NT5DC3: variants seen among roughly 807,000 people sequenced by gnomAD.
NT5DC3 encodes the protein 5'-nucleotidase domain-containing protein 3.
Under a neutral mutation model 67.8 loss-of-function variants are expected in NT5DC3, and 42 were observed. That is an observed-to-expected ratio of 0.62 (90% CI 0.48 to 0.80). NT5DC3 has a LOEUF of 0.80. Among genes scored for constraint, NT5DC3 ranks in the 30% least tolerant of loss-of-function variants. The pLI is 0.00. For missense variants in NT5DC3, 570 were observed against 696.4 expected (o/e 0.82, Z 2.04); for synonymous variants, 237 against 255.6 (o/e 0.93, Z 0.69).
At chr12:103,769,664 G>A (rs915609220), downstream of NT5DC3, among the ~76,000 whole-genome samples, 1 of 152,184 alleles carries the variant, frequency 6.6e-6, no homozygotes, top group Non-Finnish European at 1.5e-5. Flanking sequence ...TACAGCTGTT[G>A]GCCACCCCAG....
In NT5DC3 at chr12:103,773,211, AG is replaced by A. The variant is rs1285805932; in HGVS notation, c.*4617del. On this transcript the variant is annotated 3_prime_UTR_variant, in exon 14 of 14. Transcript: ENST00000392876. ...GCAGGGGCTAGCAAGCCACAGCCTGAGGACCAAATACAGCCCACAGCTTGTC... is the reference window on the plus strand; with the variant it reads ...GCAGGGGCTAGCAAGCCACAGCCTGAGACCAAATACAGCCCACAGCTTGTC... The A allele has an allele frequency of 6.6e-6, 1 of 152,256 alleles. No individual in the cohort carries two copies. The allele number at this position is 152,256 out of a possible 1,614,324, so 9.4% of individuals were successfully genotyped here.
At chr12:103,748,631 C>T in the NT5DC3 span, among the ~76,000 whole-genome samples, 26 of 79,458 alleles carry the variant, frequency 3.3e-4, no homozygotes, top group Non-Finnish European at 4.6e-4. Context: ...CACACACACA[C>T]ACACACACAC....
chr12:103,748,946 C>G, the NT5DC3 span: 1 of 1,607,134 alleles, frequency 6.2e-7, no homozygotes. Context: ...TGAGCCCTCT[C>G]TCCTCTGCTC....
intron 6 of NT5DC3, among the ~76,000 whole-genome samples, chr12:103,795,353 T>C (rs901070000): frequency 6.6e-6 from 1 of 152,194 alleles, no homozygotes; most frequent in Non-Finnish European, 1.5e-5. Flanking sequence ...TACTAAGCTC[T>C]ACACAAGTAT....
At chr12:103,799,805 A>AAAAAATAAAAT (rs1555261683) in intron 4 of NT5DC3, among the ~76,000 whole-genome samples, 1 of 35,658 alleles carries the variant, frequency 2.8e-5, no homozygotes, top group East Asian at 5.8e-4. Context: ...TCCACATACC[A>AAAAAATAAAAT]AAAAAAAAAA....
At chr12:103,759,696 G>GTGA in the NT5DC3 span, among the ~76,000 whole-genome samples, 1 of 152,182 alleles carries the variant, frequency 6.6e-6, no homozygotes, top group African/African-American at 2.4e-5. Context: ...CAGGATGATG[G>GTGA]TGATGGTGGT....
At chr12:103,747,404 T>TG in the NT5DC3 span, among the ~76,000 whole-genome samples, 15 of 152,324 alleles carry the variant, frequency 9.8e-5, no homozygotes, top group East Asian at 2.9e-3. Context: ...AAGCTCATTT[T>TG]GGGGGCTGAA....
Position 103,788,837 on chromosome 12 carries a change from C to A in NT5DC3, c.1101+1G>T. On this transcript the variant is annotated splice_donor_variant, in intron 10 of 13. Coordinates refer to ENST00000392876, the MANE Select transcript of NT5DC3 (RefSeq NM_001031701.3). LOFTEE classifies it high-confidence loss of function. ...AAAAGGATCAGCTGGTCATGAGATA[C>A]CTGCTTGTATATCTGGCCTTTCTGC... The A allele has an allele frequency of 6.3e-7, 1 of 1,598,734 alleles. No individual in the cohort carries two copies. Among genetic ancestry groups the A allele is most frequent in the Non-Finnish European group, 8.6e-7 (1 of 1,165,928 alleles).
rs542359730 is a variant in NT5DC3, at chr12:103,808,749, G to A, written c.394-1820C>T. On this transcript the variant is annotated intron_variant, in intron 2 of 13. Transcript: ENST00000392876. Reference sequence around the variant, plus strand: ...ACCCAACGCTTGGCACCCTGGATCTGCTTACTGAAGAGGGGCCAAGGGACT... The same window carrying A: ...ACCCAACGCTTGGCACCCTGGATCTACTTACTGAAGAGGGGCCAAGGGACT... 1.1e-4 allele frequency among the ~76,000 whole-genome samples: 17 copies of A among 152,316 alleles called. No individual in the cohort carries two copies. The East Asian group carries it at 3.3e-3, about 29-fold the overall frequency.
At chr12:103,755,493 T>C in the NT5DC3 span, 2 of 1,611,944 alleles carry the variant, frequency 1.2e-6, no homozygotes, top group Non-Finnish European at 1.7e-6. Flanking sequence ...ACACTTCAGG[T>C]TCTGGGCCAC....
At chr12:103,786,989 T>A (rs1271224120) in intron 11 of NT5DC3, among the ~76,000 whole-genome samples, 1 of 152,118 alleles carries the variant, frequency 6.6e-6, no homozygotes, top group Admixed American at 6.6e-5. Context: ...AGCCCACTGG[T>A]TCAGTTTCTT....
intron 1 of NT5DC3, among the ~76,000 whole-genome samples, chr12:103,832,927 A>G (rs1421452516): frequency 6.6e-6 from 1 of 152,188 alleles, no homozygotes; most frequent in Non-Finnish European, 1.5e-5. Context: ...TAATACTGCA[A>G]ATGTGTCTTT....
chr12:103,769,115 C>G (rs538874971), downstream of NT5DC3, among the ~76,000 whole-genome samples: 5 of 152,108 alleles, frequency 3.3e-5, no homozygotes, highest in Admixed American at 1.3e-4. Flanking sequence ...GCCCTTCCCC[C>G]CAACACACAC....
rs1352214193 is a variant in NT5DC3, at chr12:103,815,097, T to C, written c.233A>G (p.Asn78Ser). 2 of 1,611,960 alleles carry C rather than the reference T, an allele frequency of 1.2e-6. No homozygotes were observed. The highest frequency in any genetic ancestry group is 1.3e-5 in the African/African-American group (1 of 74,906). Residue 78 changes from asparagine (N) to serine (S), a missense_variant, in exon 2 of 14, where the codon AAC becomes AGC. Coordinates refer to ENST00000392876, the MANE Select transcript of NT5DC3 (RefSeq NM_001031701.3). The stretch of plus-strand genomic sequence containing the variant: ...GAAAATGGCATCTGGATTCAACAAG[T>C]TGCTCATAATGGAAGGAACCAATTC... ...TEELVPSIMSNLLNPDAIFSN... is the reference protein window; with the variant it reads ...TEELVPSIMSSLLNPDAIFSN...
downstream of NT5DC3, chr12:103,766,218 A>C: frequency 6.3e-7 from 1 of 1,599,480 alleles, no homozygotes. Context: ...ACCAGTGGCC[A>C]CCAGAAAGAT....
At chr12:103,804,435 A>C (rs1235890382) in intron 4 of NT5DC3, among the ~76,000 whole-genome samples, 1 of 152,218 alleles carries the variant, frequency 6.6e-6, no homozygotes, top group Non-Finnish European at 1.5e-5. Flanking sequence ...TACTCAAGCA[A>C]AGTGAGGGAG....
chr12:103,749,129 G>A, the NT5DC3 span: 6 of 1,607,172 alleles, frequency 3.7e-6, no homozygotes, highest in Admixed American at 5.0e-5. Flanking sequence ...GGTGTCACGA[G>A]CACGCCACCT....
the NT5DC3 span, chr12:103,746,614 A>G: frequency 6.2e-7 from 1 of 1,614,056 alleles, no homozygotes; most frequent in African/African-American, 1.3e-5. Flanking sequence ...TGCAGTGTGT[A>G]CGCCTCCTTG....
chr12:103,749,264 T>A, the NT5DC3 span: 2 of 1,221,542 alleles, frequency 1.6e-6, no homozygotes, highest in Non-Finnish European at 2.2e-6. Flanking sequence ...TTCCTAAACA[T>A]TTTTTCTAGC....
Sources: allele counts gnomAD v4.1 joint callset (sites outside exome capture counted in the v4.1 genomes callset), GRCh38; gene constraint gnomAD v4.1.1; transcripts MANE v1.5; gene names NCBI Gene and HGNC (gene_info 2026-07-23, HGNC 2026-07-21).